The following GPR137C variants were observed in gnomAD, a reference collection of about 807,000 sequenced individuals.
GPR137C encodes integral membrane protein GPR137C.
A neutral mutation model predicts 43.4 loss-of-function variants in GPR137C; 27 were observed. The ratio of observed to expected loss-of-function variants is 0.62; its 90% CI spans 0.46 to 0.86. The LOEUF (loss-of-function observed/expected upper bound fraction) is 0.86, where lower values mean the gene tolerates loss of function less well. Ranked by LOEUF, GPR137C falls within the 40% of genes least tolerant of loss-of-function variation. The probability of loss-of-function intolerance (pLI) is 0.00; values close to 1 mark genes in which losing one functional copy is unlikely to be tolerated. For missense variants in GPR137C, 522 were observed against 534.6 expected, an observed-to-expected ratio of 0.98 and a Z score of 0.23; for synonymous variants, 285 against 226.9, an observed-to-expected ratio of 1.26 and a Z score of -2.30.
At chr14:52,623,553 G>T (rs1250636350) in intron 3 of GPR137C, among the ~76,000 whole-genome samples, 1 of 151,894 alleles carries the variant, frequency 6.6e-6, no homozygotes, top group African/African-American at 2.4e-5. Flanking sequence ...CTGAATGATT[G>T]GTCTCAAAGT....
intron 3 of GPR137C, among the ~76,000 whole-genome samples, chr14:52,620,773 A>G (rs1172573679): frequency 1.3e-5 from 2 of 152,036 alleles, no homozygotes; most frequent in African/African-American, 4.8e-5. Flanking sequence ...AAAATATAGT[A>G]TTTAAAATAA....
intron 1 of GPR137C, among the ~76,000 whole-genome samples, chr14:52,575,637 C>T (rs926704713): frequency 6.6e-6 from 1 of 152,102 alleles, no homozygotes; most frequent in Admixed American, 6.6e-5. Flanking sequence ...GTATTTGTCA[C>T]CTTAGAAGAT....
intron 3 of GPR137C, among the ~76,000 whole-genome samples, chr14:52,631,842 TTTGA>T (rs1192909554): frequency 6.6e-6 from 1 of 152,136 alleles, no homozygotes; most frequent in Admixed American, 6.6e-5. Flanking sequence ...AAACTACCTC[TTTGA>T]TTAACATCAA....
At chr14:52,599,631 T>G (rs2038900252) in intron 2 of GPR137C, among the ~76,000 whole-genome samples, 1 of 152,030 alleles carries the variant, frequency 6.6e-6, no homozygotes, top group South Asian at 2.1e-4. Context: ...ATGAGGTTTC[T>G]CCATGTTGGC....
At chr14:52,554,661 C>T (rs2038165265) in intron 1 of GPR137C, among the ~76,000 whole-genome samples, 1 of 151,888 alleles carries the variant, frequency 6.6e-6, no homozygotes, top group Non-Finnish European at 1.5e-5. Flanking sequence ...GCAGCTAATC[C>T]TCTCAAAGGC....
chr14:52,609,977 C>CTTCTTTTT (rs1382971773), intron 3 of GPR137C, among the ~76,000 whole-genome samples: 2 of 152,196 alleles, frequency 1.3e-5, no homozygotes, highest in African/African-American at 4.8e-5. Flanking sequence ...CACCGCAAAA[C>CTTCTTTTT]ATACACTAAG....
intron 1 of GPR137C, among the ~76,000 whole-genome samples, chr14:52,577,347 A>G (rs1340216425): frequency 3.9e-5 from 6 of 152,050 alleles, no homozygotes; most frequent in Admixed American, 3.9e-4. Context: ...AGCAGGCTGA[A>G]AGGGAAGTTT....
chr14:52,572,219 A>G (rs1461922517), intron 1 of GPR137C, among the ~76,000 whole-genome samples: 1 of 152,230 alleles, frequency 6.6e-6, no homozygotes, highest in African/African-American at 2.4e-5. Context: ...TCAATAGAAA[A>G]AGAGGGATTC....
Position 52,553,539 on chromosome 14 carries a change from C to T in GPR137C, c.392C>T (p.Pro131Leu). ...CCCCACTGGCTGCTCTACTGCTTCC[C>T]CTCCTGTCTCCAGTTCTCCACGCTC... Reference protein sequence around the residue: ...FFPHWLLYCFPSCLQFSTLCL... With the variant: ...FFPHWLLYCFLSCLQFSTLCL... Residue 131 changes from proline (P) to leucine (L), a missense_variant, in exon 1 of 7, where the codon CCC becomes CTC. By Grantham distance (98) the Pro-to-Leu change is moderately conservative. Transcript: ENST00000321662. The T allele has an allele frequency of 6.2e-7, 1 of 1,609,084 alleles. No individual in the cohort carries two copies.
intron 1 of GPR137C, among the ~76,000 whole-genome samples, chr14:52,554,746 T>C (rs2038167459): frequency 6.6e-6 from 1 of 152,148 alleles, no homozygotes; most frequent in Admixed American, 6.5e-5. Context: ...ATTAAGTGTT[T>C]ATATTTCCTG....
At chr14:52,625,396 C>T (rs1419364219) in intron 3 of GPR137C, among the ~76,000 whole-genome samples, 1 of 148,572 alleles carries the variant, frequency 6.7e-6, no homozygotes, top group Non-Finnish European at 1.5e-5. Context: ...GCAGGAGAAT[C>T]GCTTGAACCC....
At chr14:52,574,140 C>T (rs536069037) in intron 1 of GPR137C, among the ~76,000 whole-genome samples, 11 of 149,092 alleles carry the variant, frequency 7.4e-5, no homozygotes, top group African/African-American at 2.7e-4. Context: ...ATTAGTTCAA[C>T]CATTGTGGAA....
intron 1 of GPR137C, among the ~76,000 whole-genome samples, chr14:52,597,745 C>T (rs1030265100): frequency 6.6e-6 from 1 of 152,176 alleles, no homozygotes; most frequent in Non-Finnish European, 1.5e-5. Context: ...AGTATCTGAG[C>T]ACCTGCCTTT....
intron 3 of GPR137C, among the ~76,000 whole-genome samples, chr14:52,610,143 A>C (rs907505814): frequency 2.0e-5 from 3 of 152,158 alleles, no homozygotes; most frequent in Non-Finnish European, 4.4e-5. Flanking sequence ...ACTATCCCCC[A>C]TTCTGATTAC....
At chr14:52,632,051 A>G in intron 3 of GPR137C, 109 bp from the exon 4 acceptor site, 1 of 653,742 alleles carries the variant, frequency 1.5e-6, no homozygotes, top group South Asian at 1.9e-5. Context: ...ACAGGTACTC[A>G]GTGCTTTGTA....
chr14:52,596,173 G>T (rs1207605490), intron 1 of GPR137C, among the ~76,000 whole-genome samples: 3 of 152,172 alleles, frequency 2.0e-5, no homozygotes, highest in Non-Finnish European at 4.4e-5. Context: ...AAATATTGCT[G>T]CTTGGTCCTT....
intron 1 of GPR137C, among the ~76,000 whole-genome samples, chr14:52,577,183 CAAAAAAAAAAA>C (rs34249999): frequency 0.032 from 1,324 of 41,208 alleles, 14 homozygotes; most frequent in African/African-American, 0.052. Context: ...TAAGACTCCT[CAAAAAAAAAAA>C]AAAAAAAAAA....
At chr14:52,593,846 T>A (rs958869106) in intron 1 of GPR137C, among the ~76,000 whole-genome samples, 1 of 152,186 alleles carries the variant, frequency 6.6e-6, no homozygotes, top group African/African-American at 2.4e-5. Flanking sequence ...TCTGCTCTGA[T>A]CTTTGTTGTT....
In GPR137C at chr14:52,600,100, T is replaced by C; in HGVS notation, c.489-13T>C. 1.3e-6 allele frequency: 2 copies of C among 1,577,044 alleles called. No individual in the cohort carries two copies. The highest frequency in any genetic ancestry group is 1.7e-6 in the Non-Finnish European group (2 of 1,147,298). On this transcript the variant is annotated splice_polypyrimidine_tract_variant and intron_variant, in intron 2 of 6. Coordinates refer to ENST00000321662, the MANE Select transcript of GPR137C (RefSeq NM_001099652.2). ...TAGTTATATAACCATCTAATATACT[T>C]TTTTTCTTTCAGAATTCTACTGCAT...
Sources: allele counts gnomAD v4.1 joint callset (sites outside exome capture counted in the v4.1 genomes callset), GRCh38; gene constraint gnomAD v4.1.1; transcripts MANE v1.5; gene names NCBI Gene and HGNC (gene_info 2026-07-23, HGNC 2026-07-21).